SRBD1: variants seen among roughly 807,000 people sequenced by gnomAD.
The protein encoded by SRBD1 is S1 RNA binding domain 1.
In SRBD1, 88 loss-of-function variants were observed where a neutral mutation model predicts 115.3. The ratio of observed to expected loss-of-function variants is 0.76; its 90% CI spans 0.64 to 0.91. The LOEUF is 0.91. Among genes scored for constraint, SRBD1 ranks in the 40% least tolerant of loss-of-function variants. The probability of loss-of-function intolerance (pLI) is 0.00; values close to 1 mark genes in which losing one functional copy is unlikely to be tolerated. For synonymous variants in SRBD1, 509 were observed against 407.7 expected (o/e 1.25, Z -2.99); for missense variants, 1,385 against 1,177.4 (o/e 1.18, Z -2.58).
At chr2:45,476,521 C>T (rs72616987) in intron 16 of SRBD1, among the ~76,000 whole-genome samples, 6,097 of 152,180 alleles carry the variant, frequency 0.04, 220 homozygotes, top group East Asian at 0.13. Flanking sequence ...TTGAATTGCC[C>T]AATGAACACA....
chr2:45,578,578 A>T (rs1298931464), intron 7 of SRBD1, among the ~76,000 whole-genome samples: 1 of 152,214 alleles, frequency 6.6e-6, no homozygotes, highest in African/African-American at 2.4e-5. Flanking sequence ...AGGCTATAGT[A>T]TGCTATAATT....
intron 9 of SRBD1, 142 bp downstream of exon 9, chr2:45,573,065 A>G: frequency 1.1e-6 from 1 of 941,948 alleles, no homozygotes; most frequent in Non-Finnish European, 1.5e-6. Flanking sequence ...CGGCAAGGAT[A>G]TGACAATATT....
chr2:45,564,889 G>C (rs993257687), intron 9 of SRBD1, among the ~76,000 whole-genome samples: 1 of 151,736 alleles, frequency 6.6e-6, no homozygotes, highest in African/African-American at 2.4e-5. Flanking sequence ...CATAGATTTG[G>C]GTATATGCAG....
chr2:45,407,249 G>A (rs1408514727), intron 19 of SRBD1, among the ~76,000 whole-genome samples: 1 of 152,176 alleles, frequency 6.6e-6, no homozygotes, highest in Non-Finnish European at 1.5e-5. Context: ...AATGAAGGTT[G>A]TTTGTACTGG....
intron 4 of SRBD1, among the ~76,000 whole-genome samples, chr2:45,597,016 A>G (rs1254674989): frequency 6.9e-6 from 1 of 145,498 alleles, no homozygotes; most frequent in African/African-American, 2.7e-5. Context: ...ACACACACAC[A>G]CAGCCCTGGC....
intron 14 of SRBD1, among the ~76,000 whole-genome samples, chr2:45,502,871 G>T (rs761154767): frequency 1.9e-4 from 29 of 152,112 alleles, no homozygotes; most frequent in Non-Finnish European, 3.2e-4. Flanking sequence ...CCATGCTGGA[G>T]TACAGTGGCA....
intron 16 of SRBD1, among the ~76,000 whole-genome samples, chr2:45,428,870 A>G (rs1668242763): frequency 6.6e-6 from 1 of 152,202 alleles, no homozygotes; most frequent in Non-Finnish European, 1.5e-5. Context: ...AGAATCCAGG[A>G]GCTGGTTTTC....
At chr2:45,517,489 G>A (rs1471075644) in intron 14 of SRBD1, among the ~76,000 whole-genome samples, 2 of 152,130 alleles carry the variant, frequency 1.3e-5, no homozygotes, top group Non-Finnish European at 2.9e-5. Flanking sequence ...CAATTTCACG[G>A]CAATGAAAGA....
At chr2:45,399,977 T>A (rs1177917139) in intron 19 of SRBD1, among the ~76,000 whole-genome samples, 1 of 152,150 alleles carries the variant, frequency 6.6e-6, no homozygotes, top group Non-Finnish European at 1.5e-5. Context: ...TAAACAGACC[T>A]TGTACCACTA....
At chr2:45,565,962 G>T (rs529789017) in intron 9 of SRBD1, among the ~76,000 whole-genome samples, 3 of 152,254 alleles carry the variant, frequency 2.0e-5, no homozygotes, top group Non-Finnish European at 4.4e-5. Flanking sequence ...ATCTGAAGAG[G>T]TATTTGTTCA....
chr2:45,458,923 A>G, intron 16 of SRBD1, among the ~76,000 whole-genome samples: 1 of 145,156 alleles, frequency 6.9e-6, no homozygotes, highest in Non-Finnish European at 1.5e-5. Flanking sequence ...TAAATCCACA[A>G]GTCTCAAATA....
intron 3 of SRBD1, among the ~76,000 whole-genome samples, 157 bp from the exon 4 acceptor site, chr2:45,599,992 AAAGTTACATACT>A (rs1368524001): frequency 1.3e-5 from 2 of 152,224 alleles, no homozygotes. Flanking sequence ...AGCCAATCTC[AAAGTTACATACT>A]ATATGAATAC....
intron 14 of SRBD1, among the ~76,000 whole-genome samples, chr2:45,509,111 T>G (rs1429467437): frequency 6.6e-6 from 1 of 152,184 alleles, no homozygotes; most frequent in East Asian, 1.9e-4. Flanking sequence ...TGGCTTGTTC[T>G]GAAGCAACAT....
intron 16 of SRBD1, among the ~76,000 whole-genome samples, chr2:45,454,461 T>C (rs1669092114): frequency 6.6e-6 from 1 of 151,888 alleles, no homozygotes; most frequent in Non-Finnish European, 1.5e-5. Context: ...TGTACATTTC[T>C]TTAGGTACAA....
chr2:45,414,861 T>C (rs1667755803), intron 18 of SRBD1, among the ~76,000 whole-genome samples: 2 of 145,416 alleles, frequency 1.4e-5, no homozygotes, highest in Admixed American at 6.7e-5. Context: ...GTGTATATAG[T>C]ATGTACACAC....
At chr2:45,465,039 A>ACG (rs1669440905) in intron 16 of SRBD1, among the ~76,000 whole-genome samples, 1 of 147,846 alleles carries the variant, frequency 6.8e-6, no homozygotes, top group African/African-American at 2.5e-5. Flanking sequence ...ACACACACAC[A>ACG]CACACACACA....
chr2:45,433,645 T>C (rs905431207), intron 16 of SRBD1, among the ~76,000 whole-genome samples: 2 of 152,200 alleles, frequency 1.3e-5, no homozygotes, highest in Non-Finnish European at 2.9e-5. Flanking sequence ...AGAAAGCTCC[T>C]CCTCCAATTA....
chr2:45,391,154 G>A (rs1427691218), intron 20 of SRBD1, among the ~76,000 whole-genome samples: 1 of 152,120 alleles, frequency 6.6e-6, no homozygotes, highest in South Asian at 2.1e-4. Context: ...ATCTTGCAAG[G>A]AAAATCAGAG....
intron 14 of SRBD1, among the ~76,000 whole-genome samples, chr2:45,515,896 C>A (rs1307079221): frequency 6.6e-6 from 1 of 152,160 alleles, no homozygotes; most frequent in Non-Finnish European, 1.5e-5. Flanking sequence ...TTCATAATCA[C>A]TGGGCATGGT....
Sources: gnomAD v4.1 joint callset for allele counts (sites outside exome capture counted in the v4.1 genomes callset) on GRCh38, gnomAD v4.1.1 for gene constraint, MANE v1.5 for transcripts, NCBI Gene and HGNC (gene_info 2026-07-23, HGNC 2026-07-21) for gene names.